SLC24A3: variants seen among roughly 807,000 people sequenced by gnomAD.
SLC24A3 encodes the protein sodium/potassium/calcium exchanger 3.
In SLC24A3, 28 loss-of-function variants were observed where a neutral mutation model predicts 75.8. The observed-to-expected ratio is 0.37, with a 90% CI of 0.27 to 0.51. SLC24A3 has a LOEUF of 0.51. Ranked by LOEUF, SLC24A3 falls within the 20% of genes least tolerant of loss-of-function variation. The pLI is 0.94. For missense variants in SLC24A3, 663 were observed against 847.8 expected, an observed-to-expected ratio of 0.78 and a Z score of 2.71; for synonymous variants, 372 against 334.1, an observed-to-expected ratio of 1.11 and a Z score of -1.24.
intron 3 of SLC24A3, 103 bp downstream of exon 3, chr20:19,515,667 T>A: frequency 8.7e-7 from 1 of 1,153,330 alleles, no homozygotes; most frequent in Non-Finnish European, 1.3e-6. Flanking sequence ...TCTGCCCTCC[T>A]GTTCCCACGC....
rs568476489 is a variant in SLC24A3 at position 19,640,737 on chromosome 20, G to A, written c.613-13325G>A. Among the ~76,000 whole-genome samples the A allele has an allele frequency of 3.9e-5, 6 of 152,286 alleles. No individual in the cohort carries two copies. The South Asian group carries it at 6.2e-4, about 16-fold the overall frequency. On this transcript the variant is annotated intron_variant, in intron 6 of 16. Transcript: ENST00000328041. ...TACACTCCAGCCTAAGTGACACAGCGAGAATCTGTTTCAGAAATTATATAT... is the reference window on the plus strand; with the variant it reads ...TACACTCCAGCCTAAGTGACACAGCAAGAATCTGTTTCAGAAATTATATAT...
chr20:19,288,332 A>G (rs1983861377), intron 2 of SLC24A3, among the ~76,000 whole-genome samples: 1 of 152,186 alleles, frequency 6.6e-6, no homozygotes. Flanking sequence ...TTAAAGTCTC[A>G]GGCTCTAGCA....
intron 1 of SLC24A3, among the ~76,000 whole-genome samples, chr20:19,217,274 G>A (rs80062405): frequency 0.02 from 2,994 of 152,294 alleles, 35 homozygotes; most frequent in Middle Eastern, 0.031. Flanking sequence ...GTGGAGGAGT[G>A]TAGGGTCACA....
intron 1 of SLC24A3, among the ~76,000 whole-genome samples, chr20:19,229,271 T>A (rs1455715883): frequency 1.3e-5 from 2 of 152,136 alleles, no homozygotes; most frequent in African/African-American, 4.8e-5. Flanking sequence ...TTTGGTGTAT[T>A]TTATCAATTT....
In SLC24A3 at chr20:19,515,475, C is replaced by A. The variant is rs748048465; in HGVS notation, c.272-13C>A. ...CACCTGTGCTGAGACGGTTTTCTTT[C>A]TCTGTTCTTTAGCCCTGCATGAATT... On this transcript the variant is annotated splice_polypyrimidine_tract_variant and intron_variant, in intron 2 of 16. Coordinates refer to ENST00000328041, the MANE Select transcript of SLC24A3 (RefSeq NM_020689.4). The A allele has an allele frequency of 6.2e-7, 1 of 1,613,920 alleles. No individual in the cohort carries two copies. The highest frequency in any genetic ancestry group is 1.3e-5 in the African/African-American group (1 of 74,934).
At chr20:19,530,884 C>G (rs1347346019) in intron 3 of SLC24A3, among the ~76,000 whole-genome samples, 1 of 152,184 alleles carries the variant, frequency 6.6e-6, no homozygotes, top group Non-Finnish European at 1.5e-5. Flanking sequence ...ACAGGTATGG[C>G]TCCATGCCCT....
At chr20:19,320,744 A>G (rs948398127) in intron 2 of SLC24A3, among the ~76,000 whole-genome samples, 4 of 152,144 alleles carry the variant, frequency 2.6e-5, no homozygotes, top group African/African-American at 9.7e-5. Context: ...TCTCCAGATT[A>G]ATTGTAATAC....
intron 1 of SLC24A3, among the ~76,000 whole-genome samples, chr20:19,256,520 G>T (rs1356518766): frequency 6.6e-6 from 1 of 152,066 alleles, no homozygotes; most frequent in Non-Finnish European, 1.5e-5. Flanking sequence ...TGTAATTCCG[G>T]CACTTTGGGA....
chr20:19,388,742 T>C (rs143337892), intron 2 of SLC24A3, among the ~76,000 whole-genome samples: 1 of 152,362 alleles, frequency 6.6e-6, no homozygotes, highest in African/African-American at 2.4e-5. Flanking sequence ...TCTTTTTCCA[T>C]CTTTTCACTT....
chr20:19,634,739 G>A (rs898616117), intron 6 of SLC24A3, among the ~76,000 whole-genome samples: 2 of 152,002 alleles, frequency 1.3e-5, no homozygotes, highest in African/African-American at 4.8e-5. Flanking sequence ...TAGCTGGGTG[G>A]GGATAGATGA....
rs1447533623 is a variant in SLC24A3 at position 19,515,623 on chromosome 20, G to T, written c.348+59G>T. The T allele has an allele frequency of 7.6e-6, 12 of 1,570,994 alleles. 1 individual carries two copies. The South Asian group carries it at 1.3e-4, about 18-fold the overall frequency. ...CCATAGGCTAGGCCTAGGGGTGTGGGGTGTGGCACCTGAGGTGCCCCCAGT... is the reference window on the plus strand; with the variant it reads ...CCATAGGCTAGGCCTAGGGGTGTGGTGTGTGGCACCTGAGGTGCCCCCAGT... On this transcript the variant is annotated intron_variant, in intron 3 of 16. Coordinates refer to ENST00000328041, the MANE Select transcript of SLC24A3 (RefSeq NM_020689.4).
chr20:19,478,955 A>G (rs911518739), intron 2 of SLC24A3, among the ~76,000 whole-genome samples: 1 of 152,212 alleles, frequency 6.6e-6, no homozygotes, highest in African/African-American at 2.4e-5. Context: ...CTCCTTCAAA[A>G]GCGAAGCATT....
chr20:19,694,333 T>A (rs1022936609), intron 13 of SLC24A3: 1 of 152,160 alleles, frequency 6.6e-6, no homozygotes, highest in Non-Finnish European at 1.5e-5. Context: ...TGGATAGAAA[T>A]GTAATATAAA....
At chr20:19,664,363 T>A (rs1438026010) in intron 7 of SLC24A3, among the ~76,000 whole-genome samples, 5 of 152,212 alleles carry the variant, frequency 3.3e-5, no homozygotes, top group Admixed American at 2.6e-4. Context: ...CATTCTAGTT[T>A]GACATTGTCA....
chr20:19,259,639 C>T (rs1438725075), intron 1 of SLC24A3, among the ~76,000 whole-genome samples: 1 of 152,202 alleles, frequency 6.6e-6, no homozygotes, highest in African/African-American at 2.4e-5. Flanking sequence ...GATCTTTCTT[C>T]TTATCACCCT....
chr20:19,574,786 G>A (rs1046656578), intron 3 of SLC24A3, among the ~76,000 whole-genome samples: 1 of 152,210 alleles, frequency 6.6e-6, no homozygotes, highest in Non-Finnish European at 1.5e-5. Flanking sequence ...CCATGTTGAA[G>A]GGTAAGCAAA....
intron 6 of SLC24A3, among the ~76,000 whole-genome samples, chr20:19,604,346 G>A (rs2031567774): frequency 6.6e-6 from 1 of 152,252 alleles, no homozygotes; most frequent in South Asian, 2.1e-4. Context: ...GGAGCCATGT[G>A]AAGACCTAGA....
At chr20:19,327,229 T>A (rs1984883143) in intron 2 of SLC24A3, among the ~76,000 whole-genome samples, 1 of 152,198 alleles carries the variant, frequency 6.6e-6, no homozygotes, top group Non-Finnish European at 1.5e-5. Context: ...AAGGTCACTG[T>A]TGACTCCCGT....
chr20:19,338,034 T>G (rs1985177298), intron 2 of SLC24A3, among the ~76,000 whole-genome samples: 1 of 152,118 alleles, frequency 6.6e-6, no homozygotes. Context: ...AAAATCCAAT[T>G]GCAAAGGGCG....
Sources: gnomAD v4.1 joint callset for allele counts (sites outside exome capture counted in the v4.1 genomes callset) on GRCh38, gnomAD v4.1.1 for gene constraint, MANE v1.5 for transcripts, NCBI Gene and HGNC (gene_info 2026-07-23, HGNC 2026-07-21) for gene names.